Variants in DDC observed in about 807,000 individuals in gnomAD.
DDC encodes the protein dopa decarboxylase.
Under a neutral mutation model 60.0 loss-of-function variants are expected in DDC, and 43 were observed. That is an observed-to-expected ratio of 0.72 (90% CI 0.56 to 0.92). The LOEUF (loss-of-function observed/expected upper bound fraction) is 0.92, where lower values mean the gene tolerates loss of function less well. DDC is among the 40% of genes least tolerant of loss of function. The probability of loss-of-function intolerance (pLI) is 0.00; values close to 1 mark genes in which losing one functional copy is unlikely to be tolerated. For synonymous variants in DDC, 232 were observed against 234.6 expected (o/e 0.99, Z 0.10); for missense variants, 573 against 620.2 (o/e 0.92, Z 0.81).
chr7:50,535,720 TG>T (rs1453147478), intron 4 of DDC, among the ~76,000 whole-genome samples: 1 of 152,248 alleles, frequency 6.6e-6, no homozygotes, highest in Non-Finnish European at 1.5e-5. Context: ...ACACTGGATG[TG>T]GTAGGCACAT....
intron 1 of DDC, among the ~76,000 whole-genome samples, chr7:50,549,465 A>T (rs1275660909): frequency 6.6e-6 from 1 of 152,166 alleles, no homozygotes; most frequent in Non-Finnish European, 1.5e-5. Context: ...ATCCTGGCTA[A>T]CACGGTGAAA....
Position 50,476,619 on chromosome 7 carries a change from C to G in DDC, c.1041+5G>C. 3.1e-6 allele frequency: 5 copies of G among 1,612,246 alleles called. No individual in the cohort carries two copies. Among genetic ancestry groups the G allele is most frequent in the Non-Finnish European group, 4.2e-6 (5 of 1,178,626 alleles). ...TTTGAGATTACAGTGGAATCTCCCA[C>G]TTACCCGGTAGTCAGTGATAAGCCC... On this transcript the variant is annotated splice_donor_5th_base_variant and intron_variant, in intron 11 of 14. Transcript: ENST00000444124.
chr7:50,506,194 G>T (rs891070124), intron 6 of DDC, among the ~76,000 whole-genome samples: 2 of 152,218 alleles, frequency 1.3e-5, no homozygotes, highest in Admixed American at 6.5e-5. Flanking sequence ...CTGGTACCTA[G>T]CCCTTGAGTG....
intron 14 of DDC, among the ~76,000 whole-genome samples, chr7:50,462,768 G>GTTTTTTTT (rs11302809): frequency 0.021 from 2,039 of 98,264 alleles, 109 homozygotes; most frequent in African/African-American, 0.054. Context: ...TCTTCTTCTT[G>GTTTTTTTT]TTTTTTTTTT....
chr7:50,488,790 A>T (rs2042938528), intron 9 of DDC, among the ~76,000 whole-genome samples: 1 of 152,208 alleles, frequency 6.6e-6, no homozygotes, highest in Admixed American at 6.5e-5. Flanking sequence ...TAAAATTACA[A>T]GACATTTTAA....
intron 6 of DDC, among the ~76,000 whole-genome samples, chr7:50,527,392 A>G (rs116239595): frequency 8.5e-5 from 13 of 152,310 alleles, no homozygotes; most frequent in African/African-American, 3.1e-4. Context: ...CTGAGTCTTA[A>G]TATTGACACT....
chr7:50,529,293 T>G lies in DDC; in HGVS notation c.485A>C (p.Lys162Thr). 6.2e-7 allele frequency: 1 copy of G among 1,614,164 alleles called. No homozygotes were observed. The highest frequency in any genetic ancestry group is 8.5e-7 in the Non-Finnish European group (1 of 1,180,036). The part of the protein sequence containing the change: ...TLVALLAART[K>T]VIHRLQAASP... ...CGCTGCCTGCAGCCGATGGATCACT[T>G]TGGTCCGAGCGGCCAGCAGGGCCAC... The change falls in exon 5 of 15, where the codon AAA becomes ACA. Residue 162 changes from lysine to threonine, a missense_variant. Physicochemically the swap from Lys to Thr is moderately conservative, Grantham distance 78. Transcript: ENST00000444124.
chr7:50,522,262 T>A (rs1174548805), intron 6 of DDC, among the ~76,000 whole-genome samples: 1 of 150,322 alleles, frequency 6.7e-6, no homozygotes, highest in East Asian at 1.9e-4. Flanking sequence ...ATGAAGAAAA[T>A]TTTTTAAAAG....
chr7:50,503,981 T>C lies in DDC; in HGVS notation c.781+12A>G, dbSNP rs2043323044. 2 of 1,604,098 alleles carry C rather than the reference T, an allele frequency of 1.2e-6. No individual in the cohort carries two copies. The highest frequency in any genetic ancestry group is 1.7e-6 in the Non-Finnish European group (2 of 1,170,868). ...AACATTTTCCAAAAAGAAAATGGAA[T>C]CGGATACTTACAGATAGGACCGACT... On this transcript the variant is annotated intron_variant, in intron 7 of 14. Coordinates refer to ENST00000444124, the MANE Select transcript of DDC (RefSeq NM_001082971.2).
At chr7:50,532,687 A>T (rs1392989483) in intron 4 of DDC, among the ~76,000 whole-genome samples, 1 of 152,258 alleles carries the variant, frequency 6.6e-6, no homozygotes, top group Non-Finnish European at 1.5e-5. Flanking sequence ...CATAATTGCT[A>T]TTCAATGAAA....
In DDC at chr7:50,516,404, A is replaced by T. The variant is rs192522620; in HGVS notation, c.714+11733T>A. On this transcript the variant is annotated intron_variant, in intron 6 of 14. Transcript: ENST00000444124. ...ACAACAGTAACGACACAACCTACCA[A>T]AACCTCTGGGATACAGCAAAGGGGA... Among the ~76,000 whole-genome samples, 297 of 152,286 alleles carry T rather than the reference A, an allele frequency of 2.0e-3. 2 individuals are homozygous for T. The highest frequency in any genetic ancestry group is 6.8e-3 in the African/African-American group (282 of 41,552).
chr7:50,559,754 C>T (rs1022115976), intron 1 of DDC, among the ~76,000 whole-genome samples: 1 of 152,204 alleles, frequency 6.6e-6, no homozygotes, highest in Non-Finnish European at 1.5e-5. Flanking sequence ...AAAATACCCG[C>T]ATAGTGTGGT....
At chr7:50,470,209 A>C (rs878974615) in intron 11 of DDC, 38 bp from the exon 12 acceptor site, 2 of 1,456,628 alleles carry the variant, frequency 1.4e-6, no homozygotes, top group South Asian at 1.1e-5. Flanking sequence ...AGTGAGGAAG[A>C]TATTAAAAGC....
At chr7:50,553,550 G>A (rs926686288) in intron 1 of DDC, among the ~76,000 whole-genome samples, 2 of 132,596 alleles carry the variant, frequency 1.5e-5, no homozygotes, top group African/African-American at 5.6e-5. Context: ...GCAGTGGAAC[G>A]ATCTTGGCTC....
At chr7:50,482,552 G>A (rs2042793147) in intron 9 of DDC, among the ~76,000 whole-genome samples, 2 of 152,138 alleles carry the variant, frequency 1.3e-5, no homozygotes, top group Non-Finnish European at 2.9e-5. Context: ...TGATATTTAA[G>A]GAGGCAACTT....
intron 11 of DDC, among the ~76,000 whole-genome samples, chr7:50,472,788 C>T (rs1181521597): frequency 1.3e-5 from 2 of 152,172 alleles, no homozygotes; most frequent in African/African-American, 2.4e-5. Flanking sequence ...ACTCTGTCCT[C>T]GTGCCCTCAT....
At chr7:50,537,657 C>T (rs1355964998) in intron 4 of DDC, among the ~76,000 whole-genome samples, 7 of 152,286 alleles carry the variant, frequency 4.6e-5, no homozygotes, top group Middle Eastern at 6.8e-3. Context: ...CCTGGGGAAG[C>T]GAGTGAAAGA....
intron 6 of DDC, among the ~76,000 whole-genome samples, chr7:50,505,070 G>GT (rs1312125739): frequency 6.6e-6 from 1 of 152,220 alleles, no homozygotes; most frequent in African/African-American, 2.4e-5. Flanking sequence ...CGGGCTGGGA[G>GT]TCACTGCGGC....
chr7:50,525,364 T>G (rs1585230747), intron 6 of DDC, among the ~76,000 whole-genome samples: 1 of 152,230 alleles, frequency 6.6e-6, no homozygotes, highest in Non-Finnish European at 1.5e-5. Context: ...GATATGGTAC[T>G]ATAGTTATAA....
Sources: gnomAD v4.1 joint callset for allele counts (sites outside exome capture counted in the v4.1 genomes callset) on GRCh38, gnomAD v4.1.1 for gene constraint, MANE v1.5 for transcripts, NCBI Gene and HGNC (gene_info 2026-07-23, HGNC 2026-07-21) for gene names.